MYO16: variants seen among roughly 807,000 people sequenced by gnomAD.
MYO16 encodes the protein myosin XVI.
In MYO16, 94 loss-of-function variants were observed where a neutral mutation model predicts 205.3. That is an observed-to-expected ratio of 0.46 (90% confidence interval 0.39 to 0.54). MYO16 has a LOEUF of 0.54. Among genes scored for constraint, MYO16 ranks in the 20% least tolerant of loss-of-function variants. The pLI, the probability that MYO16 is intolerant of heterozygous loss-of-function variation, is 0.00. For missense variants in MYO16, 2,315 were observed against 2,387.5 expected (o/e 0.97, Z 0.63); for synonymous variants, 988 against 954.0 (o/e 1.04, Z -0.66).
chr13:108,789,136 A>G (rs1886542985), intron 5 of MYO16, among the ~76,000 whole-genome samples: 1 of 152,118 alleles, frequency 6.6e-6, no homozygotes, highest in Non-Finnish European at 1.5e-5. Context: ...ATAGTTTGAA[A>G]CAACATGTCT....
chr13:108,558,154 G>A, the MYO16 span, among the ~76,000 whole-genome samples: 1 of 152,090 alleles, frequency 6.6e-6, no homozygotes, highest in African/African-American at 2.4e-5. Flanking sequence ...TTCTCTCCTA[G>A]CAAAGATAAA....
chr13:108,700,989 A>G (rs1313818000), intron 2 of MYO16, among the ~76,000 whole-genome samples: 2 of 152,188 alleles, frequency 1.3e-5, no homozygotes, highest in African/African-American at 4.8e-5. Context: ...GGAATGCCCC[A>G]GCATAGAAGC....
intron 13 of MYO16, among the ~76,000 whole-genome samples, chr13:108,883,862 C>T (rs1051801174): frequency 6.6e-6 from 1 of 152,112 alleles, no homozygotes; most frequent in Non-Finnish European, 1.5e-5. Flanking sequence ...TGGGCTCAAG[C>T]GATCCTCTTG....
Position 108,814,132 on chromosome 13 carries a change from G to A in MYO16, c.868-6205G>A, listed in dbSNP as rs191213371. Among the ~76,000 whole-genome samples the A allele has an allele frequency of 4.5e-4, 68 of 152,302 alleles. 1 individual carries two copies. The highest frequency in any genetic ancestry group is 1.6e-3 in the African/African-American group (67 of 41,578). On this transcript the variant is annotated intron_variant, in intron 7 of 34. Coordinates refer to ENST00000457511, the MANE Select transcript of MYO16 (RefSeq NM_001198950.3). ...TTAAATGCTTTCCGCAGTTGAAGCT[G>A]TAGAGAACAGTAGTTTGTTGGGAGA...
At chr13:109,197,011 T>A (rs1880189933) in intron 34 of MYO16, among the ~76,000 whole-genome samples, 1 of 152,186 alleles carries the variant, frequency 6.6e-6, no homozygotes, top group African/African-American at 2.4e-5. Flanking sequence ...TTCCGTGCCA[T>A]CCCAAAATAA....
chr13:109,013,263 A>G (rs1458084590), intron 22 of MYO16, among the ~76,000 whole-genome samples: 2 of 152,036 alleles, frequency 1.3e-5, no homozygotes, highest in East Asian at 3.9e-4. Context: ...GATGGTTTCC[A>G]GATTCATCCA....
the MYO16 span, among the ~76,000 whole-genome samples, chr13:108,586,354 T>A: frequency 2.6e-5 from 4 of 152,132 alleles, no homozygotes; most frequent in African/African-American, 9.7e-5. Context: ...TTTTAAAAAA[T>A]ATATTTTTTC....
intron 4 of MYO16, among the ~76,000 whole-genome samples, chr13:108,760,888 C>T (rs188307357): frequency 5.1e-4 from 78 of 152,246 alleles, no homozygotes; most frequent in African/African-American, 1.8e-3. Context: ...TTTTAGCTCC[C>T]GCATATGAGT....
At chr13:108,875,044 T>A (rs536391750) in intron 12 of MYO16, among the ~76,000 whole-genome samples, 1 of 152,098 alleles carries the variant, frequency 6.6e-6, no homozygotes, top group Admixed American at 6.6e-5. Context: ...AGAAATATAA[T>A]GACCAGTGAA....
intron 4 of MYO16, among the ~76,000 whole-genome samples, chr13:108,752,466 C>A (rs11842692): frequency 6.6e-6 from 1 of 151,924 alleles, no homozygotes; most frequent in African/African-American, 2.4e-5. Flanking sequence ...TTAAAATTCC[C>A]GGGATAACTC....
At chr13:108,937,564 T>G (rs1362439791) in intron 16 of MYO16, among the ~76,000 whole-genome samples, 4 of 152,232 alleles carry the variant, frequency 2.6e-5, no homozygotes, top group African/African-American at 9.6e-5. Context: ...TGCTCATTTT[T>G]TAAAATTCTT....
chr13:108,981,127 A>G (rs1431804710), intron 20 of MYO16, among the ~76,000 whole-genome samples: 2 of 152,248 alleles, frequency 1.3e-5, no homozygotes, highest in Non-Finnish European at 2.9e-5. Flanking sequence ...TAATTTCTTT[A>G]TTTCAAATGA....
upstream of MYO16, among the ~76,000 whole-genome samples, chr13:108,627,230 T>C (rs761546235): frequency 2.0e-5 from 3 of 152,050 alleles, no homozygotes; most frequent in Non-Finnish European, 4.4e-5. Flanking sequence ...GTTCTACCAA[T>C]GTTTAGAGCA....
the MYO16 span, among the ~76,000 whole-genome samples, chr13:108,525,999 T>C: frequency 6.6e-6 from 1 of 150,546 alleles, no homozygotes; most frequent in African/African-American, 2.4e-5. Context: ...CACCAGCTGG[T>C]GAATGCAGAA....
At chr13:109,112,293 A>G (rs1290879622) in intron 28 of MYO16, among the ~76,000 whole-genome samples, 1 of 152,204 alleles carries the variant, frequency 6.6e-6, no homozygotes, top group Non-Finnish European at 1.5e-5. Context: ...TAAAAAGCAG[A>G]TAAAGGAGAG....
chr13:108,962,060 C>G (rs941347108), intron 18 of MYO16, among the ~76,000 whole-genome samples: 1 of 152,118 alleles, frequency 6.6e-6, no homozygotes, highest in Non-Finnish European at 1.5e-5. Flanking sequence ...CCTCGTTAGT[C>G]GCTCCCAGAT....
intron 3 of MYO16, among the ~76,000 whole-genome samples, chr13:108,722,555 A>C (rs1250458857): frequency 6.6e-6 from 1 of 152,198 alleles, no homozygotes; most frequent in Non-Finnish European, 1.5e-5. Flanking sequence ...AAAGACAGTG[A>C]AAATCCAAGC....
intron 33 of MYO16, chr13:109,166,820 A>C (rs1393563879): frequency 6.6e-6 from 1 of 152,234 alleles, no homozygotes; most frequent in Non-Finnish European, 1.5e-5. Flanking sequence ...TCACTGTGCA[A>C]AATATTACTC....
the MYO16 span, among the ~76,000 whole-genome samples, chr13:108,530,642 T>A: frequency 6.6e-6 from 1 of 152,226 alleles, no homozygotes; most frequent in African/African-American, 2.4e-5. Context: ...CATATTCACA[T>A]TTAGCTAAGT....
Sources: allele counts gnomAD v4.1 joint callset (sites outside exome capture counted in the v4.1 genomes callset), GRCh38; gene constraint gnomAD v4.1.1; transcripts MANE v1.5; gene names NCBI Gene and HGNC (gene_info 2026-07-23, HGNC 2026-07-21).